Variants in ZNF354A observed in about 807,000 individuals in gnomAD.
ZNF354A encodes epididymis luminal protein 104.
ZNF354A carries 25 observed loss-of-function variants against 53.3 expected under a neutral mutation model. The ratio of observed to expected loss-of-function variants is 0.47; its 90% CI spans 0.34 to 0.66. The LOEUF (loss-of-function observed/expected upper bound fraction) is 0.66. ZNF354A is among the 30% of genes least tolerant of loss of function. The probability of loss-of-function intolerance (pLI) is 0.01; values close to 1 mark genes in which losing one functional copy is unlikely to be tolerated. For missense variants in ZNF354A, 586 were observed against 716.8 expected (o/e 0.82, Z 2.08); for synonymous variants, 228 against 249.0 (o/e 0.92, Z 0.79).
At position 178,712,726 on chromosome 5, in the gene ZNF354A, A is replaced by G. The variant is rs376110880; in HGVS notation, c.1152T>C (p.Cys384=). Residue 384 remains cysteine (C), a synonymous_variant, in exon 5 of 5, where the codon TGT becomes TGC. Coordinates refer to ENST00000335815, the MANE Select transcript of ZNF354A (RefSeq NM_005649.3). ...GGCTGAAGGCTCTCCCACATTCACT[A>G]CATTTAAAAGGCTTCTCTCCAGTGT... The part of the protein sequence containing the change: ...RIHTGEKPFK[C]SECGRAFSQS... 3.7e-6 allele frequency: 6 copies of G among 1,613,646 alleles called. No individual in the cohort carries two copies. In the Admixed American group the frequency reaches 6.7e-5, roughly 18 times the overall value.
chr5:178,717,869 C>A (rs1765742618), intron 4 of ZNF354A, among the ~76,000 whole-genome samples: 1 of 152,066 alleles, frequency 6.6e-6, no homozygotes, highest in Non-Finnish European at 1.5e-5. Context: ...AAAACTTAAT[C>A]CTGATTGTGG....
intron 4 of ZNF354A, among the ~76,000 whole-genome samples, chr5:178,721,436 A>G (rs903655849): frequency 2.0e-5 from 3 of 152,246 alleles, no homozygotes; most frequent in African/African-American, 4.8e-5. Context: ...GCATCATCAT[A>G]TATGTAGGCT....
intron 2 of ZNF354A, among the ~76,000 whole-genome samples, chr5:178,728,636 A>AC (rs112429393): frequency 0.24 from 35,420 of 147,446 alleles, 4,903 homozygotes; most frequent in South Asian, 0.35. Context: ...ATAAAAGCAC[A>AC]AAAAAAAAAA....
At chr5:178,715,905 T>C (rs996415448) in intron 4 of ZNF354A, among the ~76,000 whole-genome samples, 2 of 152,058 alleles carry the variant, frequency 1.3e-5, no homozygotes, top group East Asian at 1.9e-4. Flanking sequence ...CTGTGGTTTT[T>C]TTTTTTTTTG....
At chr5:178,730,416 C>T (rs1218588670) in intron 1 of ZNF354A, 140 bp downstream of exon 1, 1 of 152,180 alleles carries the variant, frequency 6.6e-6, no homozygotes, top group Non-Finnish European at 1.5e-5. Flanking sequence ...GGGCGAGAGT[C>T]CAGATCCCGG....
intron 3 of ZNF354A, 149 bp from the exon 4 acceptor site, chr5:178,725,620 A>G: frequency 4.1e-6 from 3 of 727,700 alleles, no homozygotes; most frequent in Non-Finnish European, 6.8e-6. Flanking sequence ...TAAGGGGGTA[A>G]GGCGGTAGGG....
intron 3 of ZNF354A, 107 bp downstream of exon 3, chr5:178,726,890 TCA>T: frequency 6.8e-7 from 1 of 1,468,378 alleles, no homozygotes; most frequent in Non-Finnish European, 9.2e-7. Flanking sequence ...TGTACAATCC[TCA>T]CACACTCAGC....
intron 4 of ZNF354A, among the ~76,000 whole-genome samples, chr5:178,714,784 A>T (rs1653703396): frequency 1.3e-5 from 2 of 152,190 alleles, no homozygotes; most frequent in African/African-American, 4.8e-5. Flanking sequence ...AAATATGCAC[A>T]TGTGTTATAC....
At position 178,727,218 on chromosome 5, in the gene ZNF354A, C is replaced by G. The variant is rs904076005; in HGVS notation, c.34-93G>C. ...AAGACACGCTACCCGTGAAACACTT[C>G]CCATACTATTCAAGCTTCTGAAGGT... On this transcript the variant is annotated intron_variant, in intron 2 of 4. Transcript: ENST00000335815. The G allele has an allele frequency of 6.6e-6, 9 of 1,358,884 alleles. 1 individual carries two copies. The highest frequency in any genetic ancestry group is 8.9e-6 in the Non-Finnish European group (9 of 1,009,402). 84.2% of individuals were successfully genotyped at this position (1,358,884 alleles called of 1,614,324 possible).
chr5:178,713,771 CAGTT>C, intron 4 of ZNF354A, 150 bp from the exon 5 acceptor site: 1 of 788,726 alleles, frequency 1.3e-6, no homozygotes, highest in Non-Finnish European at 1.9e-6. Context: ...AAAAATAGGA[CAGTT>C]AGACAGTATA....
chr5:178,719,618 C>T (rs1581745036), intron 4 of ZNF354A, among the ~76,000 whole-genome samples: 2 of 152,202 alleles, frequency 1.3e-5, no homozygotes, highest in African/African-American at 2.4e-5. Context: ...CCCACCTTAT[C>T]CTATAGCTAG....
chr5:178,728,444 G>C (rs13186580), intron 2 of ZNF354A, among the ~76,000 whole-genome samples: 36,157 of 151,818 alleles, frequency 0.24, 5,090 homozygotes, highest in South Asian at 0.35. Flanking sequence ...TGGTAACATA[G>C]ATGGTAACAT....
At chr5:178,715,602 T>C (rs1283704634) in intron 4 of ZNF354A, among the ~76,000 whole-genome samples, 3 of 152,172 alleles carry the variant, frequency 2.0e-5, no homozygotes, top group Non-Finnish European at 4.4e-5. Context: ...GTGGCAAAAA[T>C]GAAGTGCTTT....
At chr5:178,718,194 A>C (rs1765749165) in intron 4 of ZNF354A, among the ~76,000 whole-genome samples, 1 of 152,226 alleles carries the variant, frequency 6.6e-6, no homozygotes, top group African/African-American at 2.4e-5. Flanking sequence ...GATTGTGGAT[A>C]TCCTGACTCT....
intron 3 of ZNF354A, among the ~76,000 whole-genome samples, chr5:178,725,798 G>T (rs1292005950): frequency 1.3e-5 from 2 of 152,152 alleles, no homozygotes; most frequent in Non-Finnish European, 2.9e-5. Flanking sequence ...GGTTATCTAT[G>T]AAAAGGATTA....
intron 4 of ZNF354A, among the ~76,000 whole-genome samples, chr5:178,720,719 C>A (rs1017638029): frequency 5.3e-5 from 8 of 152,320 alleles, no homozygotes; most frequent in African/African-American, 1.7e-4. Context: ...CAAACTAACA[C>A]AAACCCTTTC....
intron 4 of ZNF354A, among the ~76,000 whole-genome samples, chr5:178,714,461 A>G (rs1765680430): frequency 6.6e-6 from 1 of 152,192 alleles, no homozygotes; most frequent in Non-Finnish European, 1.5e-5. Flanking sequence ...AGTATTAAAC[A>G]TATGTATTAC....
chr5:178,719,099 G>A (rs971813816), intron 4 of ZNF354A, among the ~76,000 whole-genome samples: 2 of 152,080 alleles, frequency 1.3e-5, no homozygotes, highest in Admixed American at 6.6e-5. Flanking sequence ...ATTTCCCACT[G>A]GATTTACCCC....
chr5:178,722,784 A>T (rs1765834720), intron 4 of ZNF354A, among the ~76,000 whole-genome samples: 1 of 152,238 alleles, frequency 6.6e-6, no homozygotes, highest in Admixed American at 6.5e-5. Flanking sequence ...GATCATGAAG[A>T]AACAGATCTA....
Sources: gnomAD v4.1 joint callset for allele counts (sites outside exome capture counted in the v4.1 genomes callset) on GRCh38, gnomAD v4.1.1 for gene constraint, MANE v1.5 for transcripts, NCBI Gene and HGNC (gene_info 2026-07-23, HGNC 2026-07-21) for gene names.